The following P4HA1 variants were observed in gnomAD, a reference collection of about 807,000 sequenced individuals.
The protein encoded by P4HA1 is prolyl 4-hydroxylase subunit alpha 1.
P4HA1 carries 24 observed loss-of-function variants against 72.8 expected under a neutral mutation model. The ratio of observed to expected loss-of-function variants is 0.33; its 90% confidence interval spans 0.24 to 0.46. P4HA1 has a LOEUF of 0.46. P4HA1 is among the 20% of genes least tolerant of loss of function. The probability of loss-of-function intolerance (pLI) is 1.00; values close to 1 mark genes in which losing one functional copy is unlikely to be tolerated. For missense variants in P4HA1, 446 were observed against 640.6 expected, an observed-to-expected ratio of 0.70 and a Z score of 3.28; for synonymous variants, 201 against 218.8, an observed-to-expected ratio of 0.92 and a Z score of 0.72.
intron 9 of P4HA1, among the ~76,000 whole-genome samples, chr10:73,037,481 G>A (rs1329713471): frequency 7.0e-5 from 8 of 114,620 alleles, no homozygotes; most frequent in East Asian, 2.7e-4. Flanking sequence ...CTTCTAACCC[G>A]ACACACACAT....
intron 11 of P4HA1, 65 bp downstream of exon 11, chr10:73,016,781 T>G: frequency 1.6e-6 from 2 of 1,264,722 alleles, no homozygotes; most frequent in Non-Finnish European, 2.3e-6. Flanking sequence ...TTTTTTTGTT[T>G]TGTTTTGAGA....
At chr10:73,050,952 T>C (rs997612739) in intron 7 of P4HA1, 101 bp downstream of exon 7, 1 of 871,770 alleles carries the variant, frequency 1.1e-6, no homozygotes, top group Non-Finnish European at 1.8e-6. Context: ...CTGATTTTTA[T>C]CACATAGGCT....
intron 5 of P4HA1, among the ~76,000 whole-genome samples, chr10:73,067,815 G>T (rs1841463507): frequency 1.3e-5 from 2 of 151,818 alleles, no homozygotes; most frequent in Admixed American, 1.3e-4. Flanking sequence ...TGCTCATATG[G>T]TATCCTGAAT....
intron 1 of P4HA1, among the ~76,000 whole-genome samples, chr10:73,076,673 G>A (rs951366706): frequency 6.6e-6 from 1 of 152,060 alleles, no homozygotes; most frequent in Non-Finnish European, 1.5e-5. Context: ...CAGATGCCCT[G>A]CTAGCACTCT....
intron 9 of P4HA1, among the ~76,000 whole-genome samples, chr10:73,043,441 C>G (rs1030482225): frequency 2.0e-5 from 3 of 152,176 alleles, no homozygotes; most frequent in Admixed American, 6.5e-5. Context: ...AACTAATAAC[C>G]TAATAAGATT....
chr10:73,067,312 T>C (rs1406725825), intron 5 of P4HA1, among the ~76,000 whole-genome samples: 1 of 152,204 alleles, frequency 6.6e-6, no homozygotes, highest in Non-Finnish European at 1.5e-5. Flanking sequence ...AACAGCCTCC[T>C]CCCTGGTTCT....
Position 73,059,423 on chromosome 10 carries a change from TTAAAAAAAAAAAAAA to T in P4HA1, c.464-5848_464-5834del, listed in dbSNP as rs1305534775. 9.1e-3 allele frequency among the ~76,000 whole-genome samples: 433 copies of T among 47,584 alleles called. 29 individuals are homozygous for T. The highest frequency in any genetic ancestry group is 0.03 in the African/African-American group (333 of 11,104). The allele number at this position is 47,584 out of a possible 152,430, so 31.2% of individuals were successfully genotyped here. A position where few individuals can be genotyped will look rare whatever the true frequency, so the allele number is the denominator to read the frequency against. Reference sequence around the variant, plus strand: ...CGGGCAAAATAATGAGACAATATATTTAAAAAAAAAAAAAAAAAAAAAAAAAAAAAAAAAAAAAGG... The same window carrying T: ...CGGGCAAAATAATGAGACAATATATTAAAAAAAAAAAAAAAAAAAAAAAGG... On this transcript the variant is annotated intron_variant, in intron 5 of 14. Transcript: ENST00000394890.
At chr10:73,029,725 A>G (rs1222099902) in intron 10 of P4HA1, among the ~76,000 whole-genome samples, 1 of 151,910 alleles carries the variant, frequency 6.6e-6, no homozygotes, top group African/African-American at 2.4e-5. Context: ...ATTCCTATAT[A>G]TACCTGTTTA....
rs1418040114 is a variant in P4HA1, at chr10:73,095,782, G to A, written c.-33+984C>T. 2.0e-5 allele frequency among the ~76,000 whole-genome samples: 3 copies of A among 152,172 alleles called. No homozygotes were observed. In the East Asian group the frequency reaches 5.8e-4, roughly 29 times the overall value. On this transcript the variant is annotated intron_variant, in intron 1 of 14. Coordinates refer to ENST00000394890, the MANE Select transcript of P4HA1 (RefSeq NM_001017962.3). ...TAAAGAAAACAGTGCAAAATTCCAA[G>A]AGTCTTCACTCTATCCGGAACGCGT...
chr10:73,030,710 G>A (rs149653304), intron 9 of P4HA1, among the ~76,000 whole-genome samples: 85 of 152,176 alleles, frequency 5.6e-4, no homozygotes, highest in African/African-American at 1.8e-3. Context: ...ACAAAACAAC[G>A]TTCTTTCCAG....
At chr10:73,044,025 T>G (rs1840797121) in intron 9 of P4HA1, 5 of 1,208,990 alleles carry the variant, frequency 4.1e-6, no homozygotes, top group Non-Finnish European at 6.1e-6. Flanking sequence ...TTGTTTGTTT[T>G]GTTTTGCCAA....
chr10:73,077,804 G>T (rs1320752951), intron 1 of P4HA1, among the ~76,000 whole-genome samples: 1 of 146,522 alleles, frequency 6.8e-6, no homozygotes, highest in East Asian at 2.0e-4. Flanking sequence ...AACATAGCAA[G>T]ACTTCATCTC....
At chr10:73,022,190 A>G (rs1840151923) in intron 10 of P4HA1, among the ~76,000 whole-genome samples, 1 of 152,356 alleles carries the variant, frequency 6.6e-6, no homozygotes, top group African/African-American at 2.4e-5. Flanking sequence ...TGCCTCCTCA[A>G]GAGGGTCCCT....
chr10:73,008,385 A>G, intron 14 of P4HA1, 93 bp from the exon 15 acceptor site: 1 of 814,092 alleles, frequency 1.2e-6, no homozygotes, highest in Non-Finnish European at 2.0e-6. Context: ...AAGTTTCATC[A>G]TGGGATAAAA....
intron 5 of P4HA1, chr10:73,065,350 G>A (rs1841395222): frequency 6.6e-6 from 1 of 152,130 alleles, no homozygotes; most frequent in South Asian, 2.1e-4. Flanking sequence ...CAACACTGAT[G>A]TCAAAATGCA....
intron 5 of P4HA1, among the ~76,000 whole-genome samples, chr10:73,064,078 G>A (rs1398741606): frequency 6.6e-6 from 1 of 152,116 alleles, no homozygotes; most frequent in Non-Finnish European, 1.5e-5. Flanking sequence ...GAAGAGGCAT[G>A]GATGACTGAC....
intron 5 of P4HA1, among the ~76,000 whole-genome samples, chr10:73,061,347 C>T (rs12262696): frequency 0.11 from 16,313 of 151,956 alleles, 1,262 homozygotes; most frequent in East Asian, 0.3. Flanking sequence ...ATGTTAACCA[C>T]CAAAGTAGTC....
intron 10 of P4HA1, among the ~76,000 whole-genome samples, chr10:73,018,247 A>G (rs899100756): frequency 3.3e-5 from 5 of 152,154 alleles, no homozygotes; most frequent in African/African-American, 9.7e-5. Context: ...CAGAACAGTC[A>G]CGTCCCCTGA....
At chr10:73,047,151 T>C (rs201206782) in intron 7 of P4HA1, 50 bp from the exon 8 acceptor site, 70 of 1,221,024 alleles carry the variant, frequency 5.7e-5, no homozygotes, top group Non-Finnish European at 6.6e-5. Flanking sequence ...AATAATACTT[T>C]TAATATCTAT....
Sources: allele counts gnomAD v4.1 joint callset (sites outside exome capture counted in the v4.1 genomes callset), GRCh38; gene constraint gnomAD v4.1.1; transcripts MANE v1.5; gene names NCBI Gene and HGNC (gene_info 2026-07-23, HGNC 2026-07-21).